The following CACNA2D3 variants were observed in gnomAD, a reference collection of about 807,000 sequenced individuals.
CACNA2D3 encodes voltage-dependent calcium channel subunit alpha-2/delta-3.
Under a neutral mutation model 160.6 loss-of-function variants are expected in CACNA2D3, and 60 were observed. The observed-to-expected ratio is 0.37, with a 90% CI of 0.30 to 0.46. CACNA2D3 has a LOEUF of 0.46. CACNA2D3 is among the 20% of genes least tolerant of loss of function. CACNA2D3 has a pLI of 1.00. For synonymous variants in CACNA2D3, 558 were observed against 492.9 expected (o/e 1.13, Z -1.75); for missense variants, 1,205 against 1,365.0 (o/e 0.88, Z 1.85).
Position 54,122,647 on chromosome 3 carries a change from C to CGGAG in CACNA2D3, c.-66_-65insGAGG. 1 of 984,964 alleles carries CGGAG rather than the reference C, an allele frequency of 1.0e-6. No individual in the cohort carries two copies. 61.0% of individuals were successfully genotyped at this position (984,964 alleles called of 1,614,324 possible). On this transcript the variant is annotated 5_prime_UTR_variant, in exon 1 of 38. Coordinates refer to ENST00000474759, the MANE Select transcript of CACNA2D3 (RefSeq NM_018398.3). ...CAGCCCCGCGCGCTCGCCCACCGCC[C>CGGAG]GCTCCGCGCAGCTCCCCGCGGCCGC...
At chr3:54,546,638 A>G (rs1702069476) in intron 5 of CACNA2D3, among the ~76,000 whole-genome samples, 1 of 152,080 alleles carries the variant, frequency 6.6e-6, no homozygotes, top group African/African-American at 2.4e-5. Context: ...ACTCCTTGCT[A>G]TAATCTTTTT....
chr3:54,365,482 T>C (rs1698812593), intron 3 of CACNA2D3, among the ~76,000 whole-genome samples: 2 of 152,222 alleles, frequency 1.3e-5, no homozygotes. Context: ...TTCCCTTTCT[T>C]CTTCCCTGCC....
intron 13 of CACNA2D3, among the ~76,000 whole-genome samples, chr3:54,772,949 C>A (rs1702346655): frequency 6.6e-6 from 1 of 152,150 alleles, no homozygotes; most frequent in Non-Finnish European, 1.5e-5. Context: ...ACACAGACCA[C>A]AGTGACACGC....
intron 35 of CACNA2D3, among the ~76,000 whole-genome samples, chr3:55,052,260 G>T (rs1307146613): frequency 6.6e-6 from 1 of 152,040 alleles, no homozygotes; most frequent in African/African-American, 2.4e-5. Flanking sequence ...TTCTGTTACT[G>T]ATTTGGAGTT....
chr3:54,405,384 T>C (rs1343905206), intron 4 of CACNA2D3, among the ~76,000 whole-genome samples: 1 of 151,568 alleles, frequency 6.6e-6, no homozygotes, highest in Non-Finnish European at 1.5e-5. Flanking sequence ...CATAGACTTG[T>C]AGAATAGGAT....
intron 2 of CACNA2D3, among the ~76,000 whole-genome samples, chr3:54,135,192 A>G (rs948529409): frequency 2.0e-5 from 3 of 151,646 alleles, no homozygotes; most frequent in Non-Finnish European, 2.9e-5. Flanking sequence ...TAGTTTGTTT[A>G]TTTGTTGTTT....
chr3:55,052,860 T>A (rs1381138303), intron 35 of CACNA2D3, among the ~76,000 whole-genome samples: 2 of 152,148 alleles, frequency 1.3e-5, no homozygotes, highest in Non-Finnish European at 2.9e-5. Context: ...TTAGCTTTAA[T>A]CTTTTCAGTA....
At chr3:55,037,133 T>C (rs868666916) in intron 35 of CACNA2D3, among the ~76,000 whole-genome samples, 2 of 152,196 alleles carry the variant, frequency 1.3e-5, no homozygotes, top group South Asian at 4.1e-4. Flanking sequence ...CTTTCTCTTT[T>C]GCATAAACTA....
intron 35 of CACNA2D3, among the ~76,000 whole-genome samples, chr3:55,026,688 C>G (rs1703569942): frequency 6.6e-6 from 1 of 152,058 alleles, no homozygotes; most frequent in African/African-American, 2.4e-5. Flanking sequence ...TTCCAGGAAG[C>G]TGAATAGAGA....
chr3:54,732,309 T>G (rs568424085), intron 11 of CACNA2D3, among the ~76,000 whole-genome samples: 43 of 152,362 alleles, frequency 2.8e-4, no homozygotes, highest in African/African-American at 5.8e-4. Flanking sequence ...TGATCCTTGT[T>G]GAAAACACGC....
At chr3:54,147,033 A>G (rs1464327098) in intron 2 of CACNA2D3, among the ~76,000 whole-genome samples, 1 of 152,220 alleles carries the variant, frequency 6.6e-6, no homozygotes, top group Non-Finnish European at 1.5e-5. Context: ...ATATCCCTAG[A>G]TTTCCAATTT....
intron 6 of CACNA2D3, among the ~76,000 whole-genome samples, chr3:54,565,020 A>T (rs1702386927): frequency 6.6e-6 from 1 of 151,316 alleles, no homozygotes; most frequent in Non-Finnish European, 1.5e-5. Context: ...GTAATGGGGA[A>T]CAGGCCTGGC....
intron 13 of CACNA2D3, among the ~76,000 whole-genome samples, chr3:54,792,160 G>T (rs1399256582): frequency 1.3e-5 from 2 of 152,308 alleles, no homozygotes; most frequent in Middle Eastern, 3.4e-3. Flanking sequence ...AACATGGCAG[G>T]TGTGTAGCTC....
chr3:54,869,979 C>T lies in CACNA2D3; in HGVS notation c.1627-1560C>T, dbSNP rs1174736457. Among the ~76,000 whole-genome samples the T allele has an allele frequency of 1.3e-5, 2 of 152,138 alleles. 1 individual carries two copies. The highest frequency in any genetic ancestry group is 4.1e-4 in the South Asian group (2 of 4,822). On this transcript the variant is annotated intron_variant, in intron 17 of 37. Coordinates refer to ENST00000474759, the MANE Select transcript of CACNA2D3 (RefSeq NM_018398.3). ...CCGTGAATGTCTGTTAATTGAAAAC[C>T]TAAGAGTAGTGGGGTGGGCTCACCG...
chr3:54,515,172 GTC>G (rs1470658297), intron 5 of CACNA2D3, among the ~76,000 whole-genome samples: 7 of 120,268 alleles, frequency 5.8e-5, no homozygotes, highest in South Asian at 3.1e-4. Flanking sequence ...GTGTGTGTGT[GTC>G]TGTGTGTGTG....
chr3:54,470,715 A>G (rs1700714848), intron 4 of CACNA2D3, among the ~76,000 whole-genome samples: 1 of 152,174 alleles, frequency 6.6e-6, no homozygotes, highest in African/African-American at 2.4e-5. Flanking sequence ...GGGATGGAGG[A>G]ATATTTACCA....
intron 27 of CACNA2D3, chr3:54,918,527 G>T: frequency 4.3e-6 from 7 of 1,613,782 alleles, no homozygotes; most frequent in Non-Finnish European, 5.1e-6. Context: ...TGAGCCAAGG[G>T]TCCCCCATGG....
chr3:54,354,920 G>A (rs557256686), intron 3 of CACNA2D3, among the ~76,000 whole-genome samples: 4 of 152,308 alleles, frequency 2.6e-5, no homozygotes, highest in Admixed American at 1.3e-4. Flanking sequence ...AAATGACTGC[G>A]TTGGATGTAT....
chr3:54,957,388 G>A (rs77559319), intron 27 of CACNA2D3, among the ~76,000 whole-genome samples: 2,958 of 152,168 alleles, frequency 0.019, 107 homozygotes, highest in African/African-American at 0.067. Context: ...GCTTCAAGCA[G>A]TCATCCCATC....
Sources: allele counts gnomAD v4.1 joint callset (sites outside exome capture counted in the v4.1 genomes callset), GRCh38; gene constraint gnomAD v4.1.1; transcripts MANE v1.5; gene names NCBI Gene and HGNC (gene_info 2026-07-23, HGNC 2026-07-21).